Variants in WWOX observed in about 807,000 individuals in gnomAD.
WWOX encodes the protein WW domain-containing oxidoreductase.
In WWOX, 69 loss-of-function variants were observed where a neutral mutation model predicts 46.2. That is an observed-to-expected ratio of 1.49 (90% CI 1.23 to 1.82). The LOEUF is 1.82. WWOX is among the 40% of genes most tolerant of loss of function. The probability of loss-of-function intolerance (pLI) is 0.00; values close to 1 mark genes in which losing one functional copy is unlikely to be tolerated. For missense variants in WWOX, 919 were observed against 542.6 expected (o/e 1.69, Z -6.89); for synonymous variants, 359 against 202.6 (o/e 1.77, Z -6.56).
intron 6 of WWOX, among the ~76,000 whole-genome samples, chr16:78,416,699 C>A (rs10438608): frequency 0.056 from 8,491 of 152,220 alleles, 273 homozygotes; most frequent in South Asian, 0.14. Flanking sequence ...AATGTCCAGG[C>A]CTGTCTTAAA....
intron 8 of WWOX, among the ~76,000 whole-genome samples, chr16:78,876,255 A>G (rs902056101): frequency 2.0e-5 from 3 of 151,850 alleles, no homozygotes; most frequent in Non-Finnish European, 4.4e-5. Flanking sequence ...AAGCAGTTCT[A>G]AAACTTCTTA....
intron 5 of WWOX, among the ~76,000 whole-genome samples, chr16:78,381,900 C>G (rs1394025225): frequency 3.3e-5 from 5 of 152,076 alleles, no homozygotes; most frequent in Admixed American, 2.0e-4. Flanking sequence ...CAGTCTTGTT[C>G]TGTTGCCCAG....
intron 8 of WWOX, among the ~76,000 whole-genome samples, chr16:78,487,095 T>A: frequency 6.6e-6 from 1 of 152,206 alleles, no homozygotes; most frequent in East Asian, 1.9e-4. Context: ...AACAGTATTT[T>A]GCCAGAAGCT....
Position 78,128,563 on chromosome 16 carries a change from T to C in WWOX, c.409+13409T>C, listed in dbSNP as rs72802981. The stretch of plus-strand genomic sequence containing the variant: ...GCTCACAGTGCAGCACGAATTTAGA[T>C]ACTGATTGGGGATTCAGACACAAAC... On this transcript the variant is annotated intron_variant, in intron 4 of 8. Coordinates refer to ENST00000566780, the MANE Select transcript of WWOX (RefSeq NM_016373.4). 4.9e-3 allele frequency among the ~76,000 whole-genome samples: 749 copies of C among 152,324 alleles called. 8 individuals carry two copies. The highest frequency in any genetic ancestry group is 7.6e-3 in the Non-Finnish European group (518 of 68,038).
At chr16:78,461,684 C>T (rs925166140) in intron 8 of WWOX, among the ~76,000 whole-genome samples, 4 of 152,182 alleles carry the variant, frequency 2.6e-5, no homozygotes, top group Non-Finnish European at 5.9e-5. Context: ...CTTCAATGTG[C>T]CCCATGTAAA....
chr16:79,212,095 C>A lies in WWOX; in HGVS notation c.*299C>A, dbSNP rs982200128. On this transcript the variant is annotated 3_prime_UTR_variant, in exon 9 of 9. Coordinates refer to ENST00000566780, the MANE Select transcript of WWOX (RefSeq NM_016373.4). Reference sequence around the variant, plus strand: ...GGTTCCGTATCTCCCTGGAGAAGCACCAGCAATTCTCTTTCTTTTACTGTT... The same window carrying A: ...GGTTCCGTATCTCCCTGGAGAAGCAACAGCAATTCTCTTTCTTTTACTGTT... The A allele has an allele frequency of 1.3e-6, 2 of 1,535,934 alleles. No individual in the cohort carries two copies. The highest frequency in any genetic ancestry group is 1.4e-5 in the African/African-American group (1 of 72,914).
chr16:78,386,327 G>T (rs926159717), intron 5 of WWOX, among the ~76,000 whole-genome samples: 2 of 152,154 alleles, frequency 1.3e-5, no homozygotes, highest in Non-Finnish European at 2.9e-5. Flanking sequence ...CTAAGCCAGG[G>T]TGTTGCCTTT....
rs1272866705 is a variant in WWOX, at chr16:79,211,792, G to C, written c.1241G>C (p.Gly414Ala). The C allele has an allele frequency of 6.2e-7, 1 of 1,614,044 alleles. No homozygotes were observed. Among genetic ancestry groups the C allele is most frequent in the Non-Finnish European group, 8.5e-7 (1 of 1,179,974 alleles). ...LIQERLGSQS[G>A] ...CAAGAACGGCTTGGCAGCCAGTCCG[G>C]CTAAGTGGAGCTCAGAGCGGATGGG... is the stretch of plus-strand genomic sequence containing the variant. Residue 414 changes from glycine to alanine, a missense_variant, in exon 9 of 9, where the codon GGC becomes GCC. Gly to Ala is a moderately conservative substitution (Grantham distance 60). Coordinates refer to ENST00000566780, the MANE Select transcript of WWOX (RefSeq NM_016373.4).
At chr16:78,367,832 C>T (rs113049144) in intron 5 of WWOX, among the ~76,000 whole-genome samples, 7,538 of 152,110 alleles carry the variant, frequency 0.05, 308 homozygotes, top group South Asian at 0.16. Context: ...TCTCAGCTCA[C>T]TGCAACCTCT....
intron 5 of WWOX, among the ~76,000 whole-genome samples, chr16:78,236,023 C>A (rs1209468544): frequency 6.6e-6 from 1 of 152,158 alleles, no homozygotes; most frequent in Non-Finnish European, 1.5e-5. Context: ...AAAGCAGCCA[C>A]AGATAATATA....
At chr16:78,378,131 T>C (rs7189441) in intron 5 of WWOX, among the ~76,000 whole-genome samples, 140,642 of 151,494 alleles carry the variant, frequency 0.93, 65,564 homozygotes, top group African/African-American at 0.98. Context: ...GCCCCCTGCC[T>C]AAAAAAAAGG....
At chr16:78,903,290 C>T (rs1252638014) in intron 8 of WWOX, among the ~76,000 whole-genome samples, 1 of 152,064 alleles carries the variant, frequency 6.6e-6, no homozygotes, top group Admixed American at 6.6e-5. Context: ...TTACAAATAT[C>T]ACACTCCTAT....
At chr16:78,852,389 A>T (rs1357770613) in intron 8 of WWOX, among the ~76,000 whole-genome samples, 1 of 152,214 alleles carries the variant, frequency 6.6e-6, no homozygotes, top group Non-Finnish European at 1.5e-5. Context: ...TTGTGGCAGA[A>T]GCTAGACACC....
At chr16:78,544,879 G>GA (rs1374362066) in intron 8 of WWOX, among the ~76,000 whole-genome samples, 3 of 151,656 alleles carry the variant, frequency 2.0e-5, no homozygotes, top group Non-Finnish European at 4.4e-5. Flanking sequence ...TCTCAAAAAA[G>GA]AAAAAATGAG....
Position 78,100,851 on chromosome 16 carries a change from C to G in WWOX, c.107+966C>G, listed in dbSNP as rs576470547. On this transcript the variant is annotated intron_variant, in intron 1 of 8. Transcript: ENST00000566780. Reference sequence around the variant, plus strand: ...ACCTTAGAATCACCTAGGAAATGTCCTAAATACACGTTTTGGGTCTCCATA... The same window carrying G: ...ACCTTAGAATCACCTAGGAAATGTCGTAAATACACGTTTTGGGTCTCCATA... Among the ~76,000 whole-genome samples the G allele has an allele frequency of 2.0e-5, 3 of 152,234 alleles. No individual in the cohort carries two copies. In the East Asian group the frequency reaches 5.8e-4, roughly 29 times the overall value.
At chr16:78,544,201 A>G (rs954917030) in intron 8 of WWOX, among the ~76,000 whole-genome samples, 2 of 152,238 alleles carry the variant, frequency 1.3e-5, no homozygotes, top group Admixed American at 6.5e-5. Context: ...ATATTTTGGT[A>G]GGAAATAGAG....
At chr16:78,971,103 G>A (rs2046459906) in intron 8 of WWOX, among the ~76,000 whole-genome samples, 1 of 151,960 alleles carries the variant, frequency 6.6e-6, no homozygotes, top group Non-Finnish European at 1.5e-5. Flanking sequence ...ATATATATCA[G>A]GTAAGATTCT....
intron 8 of WWOX, chr16:78,525,894 T>C (rs1415276394): frequency 2.6e-5 from 4 of 151,714 alleles, no homozygotes; most frequent in Admixed American, 6.6e-5. Flanking sequence ...GAAAGTATAA[T>C]TCTTTTTCTT....
intron 8 of WWOX, among the ~76,000 whole-genome samples, chr16:78,682,504 G>C (rs942470664): frequency 6.6e-6 from 1 of 152,080 alleles, no homozygotes; most frequent in African/African-American, 2.4e-5. Context: ...GATACCACGA[G>C]CCCAGGAGTT....
Sources: gnomAD v4.1 joint callset for allele counts (sites outside exome capture counted in the v4.1 genomes callset) on GRCh38, gnomAD v4.1.1 for gene constraint, MANE v1.5 for transcripts, NCBI Gene and HGNC (gene_info 2026-07-23, HGNC 2026-07-21) for gene names.